The following MYH13 variants were observed in gnomAD, a reference collection of about 807,000 sequenced individuals.
MYH13 encodes the protein myosin heavy chain 13, also known as myosin-13.
A neutral mutation model predicts 232.1 loss-of-function variants in MYH13; 177 were observed. The observed-to-expected ratio is 0.76, with a 90% CI of 0.67 to 0.86. The LOEUF is 0.86. MYH13 is among the 40% of genes least tolerant of loss of function. The pLI, the probability that MYH13 is intolerant of heterozygous loss-of-function variation, is 0.00. For missense variants in MYH13, 2,246 were observed against 2,405.9 expected (o/e 0.93, Z 1.39); for synonymous variants, 884 against 923.5 (o/e 0.96, Z 0.78).
chr17:10,364,691 G>A (rs1163085970), intron 2 of MYH13, 149 bp from the exon 3 acceptor site: 1 of 653,718 alleles, frequency 1.5e-6, no homozygotes, highest in Non-Finnish European at 2.6e-6. Context: ...AGGTCTAGGA[G>A]CTTAAAGTGT....
rs926226697 is a variant in MYH13 at position 10,362,317 on chromosome 17, T to G, written c.348+43A>C. 4 of 1,613,962 alleles carry G rather than the reference T, an allele frequency of 2.5e-6. No individual in the cohort carries two copies. In the Admixed American group the frequency reaches 6.7e-5, roughly 27 times the overall value. ...TTTATCATTTGGATCTCGTTTTTAC[T>G]CAGAGAGAGACATGAAATAAAAAGG... is the stretch of plus-strand genomic sequence containing the variant. On this transcript the variant is annotated intron_variant, in intron 4 of 40. Transcript: ENST00000252172.
chr17:10,316,214 A>T (rs1906706909), intron 27 of MYH13, among the ~76,000 whole-genome samples, 189 bp from the exon 28 acceptor site: 1 of 152,214 alleles, frequency 6.6e-6, no homozygotes, highest in Non-Finnish European at 1.5e-5. Flanking sequence ...TAATCCCAGC[A>T]CTTTGGGAGG....
At chr17:10,347,152 C>T (rs188378268) in intron 12 of MYH13, among the ~76,000 whole-genome samples, 27 of 152,262 alleles carry the variant, frequency 1.8e-4, no homozygotes, top group African/African-American at 6.0e-4. Flanking sequence ...GGTGGATCAC[C>T]TGAGGTCAGG....
Position 10,338,218 on chromosome 17 carries a change from T to A in MYH13, c.2056+1932A>T, listed in dbSNP as rs944579513. On this transcript the variant is annotated intron_variant, in intron 18 of 40. Coordinates refer to ENST00000252172, the MANE Select transcript of MYH13 (RefSeq NM_003802.3). ...TACTCAACGACGACAGTAACAGAAATGGATATTTTCCAAGACCTACTACAA... is the reference window on the plus strand; with the variant it reads ...TACTCAACGACGACAGTAACAGAAAAGGATATTTTCCAAGACCTACTACAA... Among the ~76,000 whole-genome samples, 4 of 113,064 alleles carry A rather than the reference T, an allele frequency of 3.5e-5. No individual in the cohort carries two copies. The Admixed American group carries it at 4.0e-4, about 11-fold the overall frequency. The allele number at this position is 113,064 out of a possible 152,430, so 74.2% of individuals were successfully genotyped here.
chr17:10,355,066 T>C lies in MYH13; in HGVS notation c.802+18A>G, dbSNP rs1411940002. 2 of 1,607,626 alleles carry C rather than the reference T, an allele frequency of 1.2e-6. No homozygotes were observed. Among genetic ancestry groups the C allele is most frequent in the Non-Finnish European group, 1.7e-6 (2 of 1,176,554 alleles). ...TGTGGCCAAAACACCAACGGATTTA[T>C]AGAGTGTTTGGACTCACAAGTTTCG... On this transcript the variant is annotated intron_variant, in intron 9 of 40. Transcript: ENST00000252172.
In MYH13 at chr17:10,309,513, C is replaced by T; in HGVS notation, c.4965+9G>A. 2.5e-6 allele frequency: 4 copies of T among 1,602,804 alleles called. No individual in the cohort carries two copies. The highest frequency in any genetic ancestry group is 3.4e-6 in the Non-Finnish European group (4 of 1,173,780). On this transcript the variant is annotated intron_variant, in intron 34 of 40. Transcript: ENST00000252172. ...CGTCCAGGTACGCAGAGGCGGCCAC[C>T]GTGCTCACCTTGAGCTGGCCCTGGA...
intron 2 of MYH13, among the ~76,000 whole-genome samples, chr17:10,364,780 C>T (rs2071820871): frequency 6.6e-6 from 1 of 151,326 alleles, no homozygotes; most frequent in African/African-American, 2.4e-5. Flanking sequence ...CTCTGAGTGT[C>T]GATTTTGGGA....
At chr17:10,302,404 T>C (rs1597880152) in intron 39 of MYH13, among the ~76,000 whole-genome samples, 1 of 152,312 alleles carries the variant, frequency 6.6e-6, no homozygotes, top group East Asian at 1.9e-4. Context: ...CTAAAGTCAA[T>C]GAAGAGTGAG....
chr17:10,352,244 CCAAT>C (rs1214598682), intron 11 of MYH13, among the ~76,000 whole-genome samples: 4 of 152,040 alleles, frequency 2.6e-5, no homozygotes. Flanking sequence ...TATGAAGTTA[CCAAT>C]CAGTTGACTT....
At chr17:10,305,664 C>T (rs990118129) in intron 37 of MYH13, among the ~76,000 whole-genome samples, 1 of 152,166 alleles carries the variant, frequency 6.6e-6, no homozygotes, top group Non-Finnish European at 1.5e-5. Context: ...CTCCGCAGAG[C>T]CCTCCTCCAA....
chr17:10,323,833 A>AGTC (rs1555549905), intron 23 of MYH13, among the ~76,000 whole-genome samples, 189 bp downstream of exon 23: 7 of 142,612 alleles, frequency 4.9e-5, no homozygotes, highest in African/African-American at 1.6e-4. Flanking sequence ...GAAGAAGAAG[A>AGTC]GTCTATGGGT....
chr17:10,309,499 G>A (rs1387185415), intron 34 of MYH13, 23 bp downstream of exon 34: 1 of 1,601,538 alleles, frequency 6.2e-7, no homozygotes. Context: ...GTCCAGGTAC[G>A]CAGAGGCGGC....
chr17:10,340,412 A>T lies in MYH13; in HGVS notation c.1895-11T>A. The T allele has an allele frequency of 6.2e-7, 1 of 1,608,940 alleles. No homozygotes were observed. Among genetic ancestry groups the T allele is most frequent in the Non-Finnish European group, 8.5e-7 (1 of 1,176,934 alleles). Reference sequence around the variant, plus strand: ...TTCCTCCGGAGTCGCCTGGAGACAGACACAGAAGAGCGTGTTAGATGCATC... The same window carrying T: ...TTCCTCCGGAGTCGCCTGGAGACAGTCACAGAAGAGCGTGTTAGATGCATC... On this transcript the variant is annotated splice_polypyrimidine_tract_variant and intron_variant, in intron 16 of 40. Transcript: ENST00000252172.
intron 3 of MYH13, among the ~76,000 whole-genome samples, chr17:10,363,736 G>A (rs1243014910): frequency 6.6e-6 from 1 of 152,178 alleles, no homozygotes; most frequent in South Asian, 2.1e-4. Context: ...ACTGAAAAAG[G>A]ACTGGAATTA....
intron 1 of MYH13, among the ~76,000 whole-genome samples, chr17:10,372,026 A>G (rs1303341941): frequency 8.5e-5 from 13 of 152,190 alleles, no homozygotes; most frequent in Non-Finnish European, 8.8e-5. Flanking sequence ...AGCCAGGGGA[A>G]TATTTCATGA....
At chr17:10,338,702 T>TTTG (rs71139037) in intron 18 of MYH13, among the ~76,000 whole-genome samples, 30,860 of 142,318 alleles carry the variant, frequency 0.22, 3,579 homozygotes, top group Middle Eastern at 0.28. Flanking sequence ...TTTTTTTTTT[T>TTTG]TTTGTTTGTT....
chr17:10,311,048 C>T, intron 33 of MYH13, 55 bp downstream of exon 33: 4 of 1,605,762 alleles, frequency 2.5e-6, no homozygotes, highest in Non-Finnish European at 2.6e-6. Context: ...GAAGGGCAGC[C>T]TCTTTCAGTT....
At chr17:10,340,747 G>A (rs772016745) in intron 16 of MYH13, among the ~76,000 whole-genome samples, 1 of 151,944 alleles carries the variant, frequency 6.6e-6, no homozygotes, top group Non-Finnish European at 1.5e-5. Context: ...TCGAACTCCT[G>A]ACTTTGGCCT....
rs775335012 is a variant in MYH13, at chr17:10,327,997, C to A, written c.2560G>T (p.Ala854Ser). ...LKSAEAEKEMATMKEDFERTK... is the reference protein window; with the variant it reads ...LKSAEAEKEMSTMKEDFERTK... ...CTCTCAAAGTCTTCCTTCATGGTGG[C>A]CATCTCCTTCTCGGCCTCTGCACTC... Residue 854 changes from alanine to serine, a missense_variant, in exon 22 of 41, where the codon GCC becomes TCC. Ala to Ser is a moderately conservative substitution (Grantham distance 99, BLOSUM62 1). Transcript: ENST00000252172. The A allele has an allele frequency of 3.2e-5, 51 of 1,613,988 alleles. No individual in the cohort carries two copies. Among genetic ancestry groups the A allele is most frequent in the Admixed American group, 2.2e-4 (13 of 59,996 alleles).
Sources: allele counts gnomAD v4.1 joint callset (sites outside exome capture counted in the v4.1 genomes callset), GRCh38; gene constraint gnomAD v4.1.1; transcripts MANE v1.5; gene names NCBI Gene and HGNC (gene_info 2026-07-23, HGNC 2026-07-21).